The following GRIK2 variants were observed in gnomAD, a reference collection of about 807,000 sequenced individuals.
GRIK2 encodes glutamate receptor ionotropic, kainate 2.
In GRIK2, 32 loss-of-function variants were observed where a neutral mutation model predicts 100.3. The observed-to-expected ratio is 0.32, with a 90% confidence interval of 0.24 to 0.43. The LOEUF is 0.43. GRIK2 is among the 20% of genes least tolerant of loss of function. GRIK2 has a pLI of 1.00. For synonymous variants in GRIK2, 417 were observed against 389.4 expected, an observed-to-expected ratio of 1.07 and a Z score of -0.83; for missense variants, 843 against 1,114.9, an observed-to-expected ratio of 0.76 and a Z score of 3.47.
At chr6:101,617,193 T>A (rs147933596) in intron 2 of GRIK2, among the ~76,000 whole-genome samples, 1,672 of 151,828 alleles carry the variant, frequency 0.011, 27 homozygotes, top group South Asian at 0.05. Context: ...CTATGTAAAG[T>A]GCACACATGA....
intron 4 of GRIK2, among the ~76,000 whole-genome samples, chr6:101,636,509 AAAAG>A (rs777170401): frequency 6.0e-5 from 9 of 150,120 alleles, no homozygotes; most frequent in Non-Finnish European, 1.0e-4. Context: ...TAAAAAAAAG[AAAAG>A]AAAATTATTT....
At chr6:101,494,037 A>ATATC (rs1562178019) in intron 2 of GRIK2, among the ~76,000 whole-genome samples, 1 of 142,966 alleles carries the variant, frequency 7.0e-6, no homozygotes, top group Non-Finnish European at 1.5e-5. Context: ...TATATAATTT[A>ATATC]TTATATAAAA....
chr6:102,015,019 G>T (rs1795759611), intron 14 of GRIK2, among the ~76,000 whole-genome samples: 1 of 152,074 alleles, frequency 6.6e-6, no homozygotes, highest in Non-Finnish European at 1.5e-5. Context: ...TCAATGATCT[G>T]TCTAATGCTA....
intron 2 of GRIK2, among the ~76,000 whole-genome samples, chr6:101,554,516 A>G (rs1396032228): frequency 6.6e-6 from 1 of 152,186 alleles, no homozygotes; most frequent in African/African-American, 2.4e-5. Context: ...TAAAAAAATC[A>G]CTCAAATCCC....
chr6:101,550,815 A>G lies in GRIK2; in HGVS notation c.116-71134A>G, dbSNP rs143033359. Among the ~76,000 whole-genome samples, 768 of 152,304 alleles carry G rather than the reference A, an allele frequency of 5.0e-3. 3 individuals carry two copies. The highest frequency in any genetic ancestry group is 0.01 in the African/African-American group (428 of 41,566). ...CTTTATAAGCATTTATGATTCCAAG[A>G]GAATACCCATCTGCCACTAATAAGT... On this transcript the variant is annotated intron_variant, in intron 2 of 16. Coordinates refer to ENST00000369134, the MANE Select transcript of GRIK2 (RefSeq NM_021956.5).
At chr6:102,032,531 T>TATCA (rs1020994383) in intron 14 of GRIK2, among the ~76,000 whole-genome samples, 8 of 151,166 alleles carry the variant, frequency 5.3e-5, no homozygotes, top group African/African-American at 1.9e-4. Flanking sequence ...TTTATTTTGC[T>TATCA]ATCATTTTCT....
chr6:101,460,385 G>C (rs1419373854), intron 2 of GRIK2, among the ~76,000 whole-genome samples: 1 of 152,136 alleles, frequency 6.6e-6, no homozygotes, highest in African/African-American at 2.4e-5. Flanking sequence ...ATAGATACTA[G>C]GTGTTATTTC....
intron 7 of GRIK2, among the ~76,000 whole-genome samples, chr6:101,742,010 A>G (rs895774458): frequency 2.6e-5 from 4 of 152,388 alleles, no homozygotes; most frequent in African/African-American, 9.6e-5. Context: ...ACACTCTGTT[A>G]TACCACACTG....
At chr6:101,401,581 A>T (rs944416838) in intron 2 of GRIK2, among the ~76,000 whole-genome samples, 1 of 152,130 alleles carries the variant, frequency 6.6e-6, no homozygotes, top group African/African-American at 2.4e-5. Flanking sequence ...GTGGAGATGC[A>T]TTTCTTCTGA....
chr6:102,061,364 A>G (rs553856534), intron 16 of GRIK2, among the ~76,000 whole-genome samples: 2 of 150,630 alleles, frequency 1.3e-5, no homozygotes, highest in Non-Finnish European at 3.0e-5. Context: ...GATGAGGATA[A>G]TAAGTATCTC....
intron 2 of GRIK2, among the ~76,000 whole-genome samples, chr6:101,511,954 G>A (rs1718888636): frequency 6.6e-6 from 1 of 151,426 alleles, no homozygotes; most frequent in South Asian, 2.1e-4. Context: ...GATACCCAAT[G>A]GAAACAGCAT....
chr6:101,785,874 G>C (rs938863059), intron 7 of GRIK2, among the ~76,000 whole-genome samples: 10 of 151,852 alleles, frequency 6.6e-5, no homozygotes, highest in African/African-American at 2.4e-4. Context: ...ATGATATATT[G>C]GTGGTAATTG....
At chr6:101,888,869 A>C (rs1786845945) in intron 11 of GRIK2, among the ~76,000 whole-genome samples, 1 of 152,146 alleles carries the variant, frequency 6.6e-6, no homozygotes, top group Admixed American at 6.6e-5. Flanking sequence ...AAATATTGTA[A>C]TTATTTCTTA....
At chr6:102,055,188 TCCAG>T in intron 15 of GRIK2, 138 bp from the exon 16 acceptor site, 1 of 578,972 alleles carries the variant, frequency 1.7e-6, no homozygotes, top group African/African-American at 1.9e-5. Flanking sequence ...ATGTGTTTTT[TCCAG>T]TTGTTTTTCT....
At position 101,424,940 on chromosome 6, in the gene GRIK2, C is replaced by T. The variant is rs189908378; in HGVS notation, c.115+25548C>T. ...CATAGTATTCCATGGTGTATATGTG[C>T]TACATTTTCTTAATCCAGTCTATCA... On this transcript the variant is annotated intron_variant, in intron 2 of 16. Transcript: ENST00000369134. Among the ~76,000 whole-genome samples, 911 of 152,226 alleles carry T rather than the reference C, an allele frequency of 6.0e-3. 3 individuals are homozygous for T. Among genetic ancestry groups the T allele is most frequent in the African/African-American group, 0.021 (863 of 41,516 alleles).
intron 12 of GRIK2, among the ~76,000 whole-genome samples, chr6:101,923,638 T>C (rs1327076227): frequency 6.6e-6 from 1 of 152,112 alleles, no homozygotes; most frequent in Non-Finnish European, 1.5e-5. Flanking sequence ...ACTGCTTTGA[T>C]GGCTCGGCGC....
chr6:101,879,143 C>G (rs961004925), intron 11 of GRIK2, among the ~76,000 whole-genome samples: 1 of 152,046 alleles, frequency 6.6e-6, no homozygotes, highest in Non-Finnish European at 1.5e-5. Context: ...TACACAACTT[C>G]TGCTTACATT....
intron 10 of GRIK2, among the ~76,000 whole-genome samples, chr6:101,819,892 G>A (rs1000129853): frequency 1.3e-5 from 2 of 152,076 alleles, no homozygotes; most frequent in African/African-American, 4.8e-5. Flanking sequence ...ATCTAATCCT[G>A]TCATTTCTCT....
chr6:101,532,528 C>T, intron 2 of GRIK2, among the ~76,000 whole-genome samples: 1 of 101,220 alleles, frequency 9.9e-6, no homozygotes, highest in African/African-American at 4.1e-5. Flanking sequence ...AGAATGATGT[C>T]TGGGGAGACC....
Sources: allele counts gnomAD v4.1 joint callset (sites outside exome capture counted in the v4.1 genomes callset), GRCh38; gene constraint gnomAD v4.1.1; transcripts MANE v1.5; gene names NCBI Gene and HGNC (gene_info 2026-07-23, HGNC 2026-07-21).